The following C12orf50 variants were observed in gnomAD, a reference collection of about 807,000 sequenced individuals.
C12orf50 encodes the protein zinc finger CCCH-type containing 11D, also known as uncharacterized protein C12orf50.
In C12orf50, 35 loss-of-function variants were observed where a neutral mutation model predicts 61.6. That is an observed-to-expected ratio of 0.57 (90% CI 0.43 to 0.75). The LOEUF is 0.75. Ranked by LOEUF, C12orf50 falls within the 30% of genes least tolerant of loss-of-function variation. The probability of loss-of-function intolerance (pLI) is 0.00; values close to 1 mark genes in which losing one functional copy is unlikely to be tolerated. For synonymous variants in C12orf50, 178 were observed against 161.5 expected, an observed-to-expected ratio of 1.10 and a Z score of -0.77; for missense variants, 475 against 488.5, an observed-to-expected ratio of 0.97 and a Z score of 0.26.
intron 7 of C12orf50, among the ~76,000 whole-genome samples, chr12:87,993,150 T>G (rs2031203827): frequency 1.3e-5 from 2 of 152,190 alleles, no homozygotes; most frequent in South Asian, 4.1e-4. Flanking sequence ...ATATTATTAA[T>G]ATTAGGCTAA....
chr12:87,999,092 G>T (rs966963252), intron 3 of C12orf50, among the ~76,000 whole-genome samples: 7 of 152,146 alleles, frequency 4.6e-5, no homozygotes, highest in African/African-American at 1.4e-4. Flanking sequence ...CAGCCCCCTG[G>T]CACATGGGGG....
chr12:88,008,049 C>T (rs1216469708), intron 3 of C12orf50, among the ~76,000 whole-genome samples: 2 of 151,594 alleles, frequency 1.3e-5, no homozygotes, highest in Non-Finnish European at 2.9e-5. Flanking sequence ...GAAAGTTAAA[C>T]AGCAATAGCT....
intron 9 of C12orf50, among the ~76,000 whole-genome samples, chr12:87,987,247 A>G (rs1405660257): frequency 3.9e-5 from 6 of 152,130 alleles, no homozygotes; most frequent in Non-Finnish European, 1.5e-5. Flanking sequence ...CTCCTCAAAC[A>G]TCATGCCCCT....
At chr12:88,019,645 A>G (rs2032442156) in intron 3 of C12orf50, among the ~76,000 whole-genome samples, 2 of 152,200 alleles carry the variant, frequency 1.3e-5, no homozygotes, top group Non-Finnish European at 1.5e-5. Context: ...AAAAAAACCA[A>G]GAACTAACTC....
In C12orf50 at chr12:87,996,624, C is replaced by T. The variant is rs1366997851; in HGVS notation, c.312G>A (p.Lys104=). ...EQNDASSLWT[K]TPEEIEEKRA... is the part of the protein sequence containing the mutation. The stretch of plus-strand genomic sequence containing the variant: ...TTTTTTCTTCAATTTCTTCAGGGGT[C>T]TTTGTCCATAAACTAGAAGCATCTA... Residue 104 remains lysine, a synonymous_variant, in exon 5 of 13, where the codon AAG becomes AAA. Coordinates refer to ENST00000298699, the MANE Select transcript of C12orf50 (RefSeq NM_152589.3). 3 of 1,608,812 alleles carry T rather than the reference C, an allele frequency of 1.9e-6. No homozygotes were observed. The highest frequency in any genetic ancestry group is 2.6e-6 in the Non-Finnish European group (3 of 1,176,006).
chr12:87,994,029 G>A (rs1173065963), intron 7 of C12orf50, among the ~76,000 whole-genome samples: 3 of 151,862 alleles, frequency 2.0e-5, no homozygotes, highest in African/African-American at 7.3e-5. Context: ...GTGAAACCCC[G>A]TCTCTACTAA....
chr12:88,022,614 T>C, intron 3 of C12orf50, among the ~76,000 whole-genome samples: 1 of 152,210 alleles, frequency 6.6e-6, no homozygotes, highest in East Asian at 1.9e-4. Flanking sequence ...CCTCATAATC[T>C]CTGCCCAAAA....
Position 87,994,674 on chromosome 12 carries a change from T to C in C12orf50, c.551A>G (p.His184Arg), listed in dbSNP as rs750455666. The C allele has an allele frequency of 2.5e-6, 4 of 1,613,470 alleles. No individual in the cohort carries two copies. In the South Asian group the frequency reaches 4.4e-5, roughly 18 times the overall value. Residue 184 changes from histidine (H) to arginine (R), a missense_variant, in exon 7 of 13, where the codon CAT becomes CGT. Physicochemically the swap from His to Arg is conservative, Grantham distance 29. Coordinates refer to ENST00000298699, the MANE Select transcript of C12orf50 (RefSeq NM_152589.3). ...ERQGEIKTSL[H>R]GKPKTDIAAF... ...AGCAATGTCAGTCTTTGGTTTCCCA[T>C]GCAATGATGTTTTTATTTCACCTTG... is the stretch of plus-strand genomic sequence containing the variant.
chr12:88,022,870 G>A (rs1001620351), intron 3 of C12orf50, among the ~76,000 whole-genome samples: 1 of 152,048 alleles, frequency 6.6e-6, no homozygotes, highest in Non-Finnish European at 1.5e-5. Context: ...GCAAACAAAT[G>A]GAAAAACATT....
At chr12:88,025,853 C>T (rs2032684671) in intron 3 of C12orf50, among the ~76,000 whole-genome samples, 1 of 152,218 alleles carries the variant, frequency 6.6e-6, no homozygotes, top group Admixed American at 6.5e-5. Context: ...CAACCTTCTT[C>T]AGCAAGGTTC....
chr12:87,987,718 T>A, intron 9 of C12orf50, 132 bp downstream of exon 9: 1 of 648,764 alleles, frequency 1.5e-6, no homozygotes, highest in Middle Eastern at 3.9e-4. Flanking sequence ...TATTGTGTCT[T>A]TAATTCTTAG....
At chr12:87,987,098 G>C (rs1434604937) in intron 9 of C12orf50, among the ~76,000 whole-genome samples, 1 of 152,094 alleles carries the variant, frequency 6.6e-6, no homozygotes. Flanking sequence ...ATTCACAAGT[G>C]ACCGCTGCAC....
intron 6 of C12orf50, among the ~76,000 whole-genome samples, chr12:87,995,284 A>T (rs1329748474): frequency 1.3e-5 from 2 of 152,164 alleles, no homozygotes; most frequent in African/African-American, 2.4e-5. Flanking sequence ...AGGGGAAAAA[A>T]TTTATTTTAC....
chr12:87,997,923 T>C (rs2031483536), intron 4 of C12orf50, 112 bp downstream of exon 4: 1 of 723,442 alleles, frequency 1.4e-6, no homozygotes, highest in Non-Finnish European at 2.1e-6. Flanking sequence ...AGTTATTTTC[T>C]CAGCAAAATC....
chr12:88,017,799 C>T (rs1178241733), intron 3 of C12orf50, among the ~76,000 whole-genome samples: 1 of 152,172 alleles, frequency 6.6e-6, no homozygotes, highest in East Asian at 1.9e-4. Flanking sequence ...AGCAAAGAGA[C>T]TGGCAGCACT....
chr12:87,996,194 G>A (rs560865307), intron 6 of C12orf50, among the ~76,000 whole-genome samples, 180 bp downstream of exon 6: 1 of 152,194 alleles, frequency 6.6e-6, no homozygotes, highest in African/African-American at 2.4e-5. Context: ...CACCTCTCTA[G>A]GATAACATAA....
rs753291098 is a variant in C12orf50 at position 87,987,949 on chromosome 12, G to A, written c.718C>T (p.His240Tyr). ...CGGGTAGTTAGGGAATGCTTTGGAT[G>A]AGGACTGTCCTTGTTATCTTTTAAA... ...SNTKDNKDSP[H>Y]PKHSLTTRLV... is the part of the protein sequence containing the mutation. The change falls in exon 9 of 13, where the codon CAT becomes TAT. Residue 240 changes from histidine (H) to tyrosine (Y), a missense_variant. Transcript: ENST00000298699. 12 of 1,604,642 alleles carry A rather than the reference G, an allele frequency of 7.5e-6. No individual in the cohort carries two copies. The South Asian group carries it at 1.2e-4, about 16-fold the overall frequency.
Position 87,985,938 on chromosome 12 carries a change from C to T in C12orf50, c.1038G>A (p.Ala346=), listed in dbSNP as rs77110438. 6,983 of 1,613,812 alleles carry T rather than the reference C, an allele frequency of 4.3e-3. 268 individuals are homozygous for T. The African/African-American group carries it at 0.08, about 18-fold the overall frequency. The change falls in exon 11 of 13, where the codon GCG becomes GCA. Residue 346 remains alanine, a synonymous_variant. Coordinates refer to ENST00000298699, the MANE Select transcript of C12orf50 (RefSeq NM_152589.3). ...GCCTGCTGCGGGAAGGTGCATTCAA[C>T]GCGACAGTCCTGACAGCATCTCTTT... ...HVQRDAVRTV[A]LNAPSRSRPT... is the part of the protein sequence containing the mutation.
chr12:88,005,278 A>G (rs1339833729), intron 3 of C12orf50, among the ~76,000 whole-genome samples: 1 of 152,172 alleles, frequency 6.6e-6, no homozygotes, highest in Non-Finnish European at 1.5e-5. Flanking sequence ...CTTTGTTGGA[A>G]TATTTTAGTA....
Sources: gnomAD v4.1 joint callset for allele counts (sites outside exome capture counted in the v4.1 genomes callset) on GRCh38, gnomAD v4.1.1 for gene constraint, MANE v1.5 for transcripts, NCBI Gene and HGNC (gene_info 2026-07-23, HGNC 2026-07-21) for gene names.